Variants in P2RX1 observed in about 807,000 individuals in gnomAD.
The protein encoded by P2RX1 is P2X purinoceptor 1.
Under a neutral mutation model 50.3 loss-of-function variants are expected in P2RX1, and 42 were observed. That is an observed-to-expected ratio of 0.83 (90% CI 0.65 to 1.08). P2RX1 has a LOEUF of 1.08. Among genes scored for constraint, P2RX1 ranks in the 50% least tolerant of loss-of-function variants. P2RX1 has a pLI of 0.00. For synonymous variants in P2RX1, 199 were observed against 202.6 expected, an observed-to-expected ratio of 0.98 and a Z score of 0.15; for missense variants, 449 against 529.0, an observed-to-expected ratio of 0.85 and a Z score of 1.48.
Position 3,897,843 on chromosome 17 carries a change from C to G in P2RX1, c.1171G>C (p.Gly391Arg). 6.2e-7 allele frequency: 1 copy of G among 1,613,548 alleles called. No homozygotes were observed. ...GATGTCCTCATGTTCTCCTGCAGGC[C>G]CAGGGTGGAGCTGGTAGCTGCGAGG... ...RDLAATSSTLGLQENMRTS is the reference protein window; with the variant it reads ...RDLAATSSTLRLQENMRTS Residue 391 changes from glycine to arginine, a missense_variant, in exon 12 of 12, where the codon GGC becomes CGC. By Grantham distance (125) the Gly-to-Arg change is moderately radical. Coordinates refer to ENST00000225538, the MANE Select transcript of P2RX1 (RefSeq NM_002558.4).
chr17:3,904,561 C>A, intron 3 of P2RX1, 162 bp from the exon 4 acceptor site: 1 of 711,632 alleles, frequency 1.4e-6, no homozygotes, highest in South Asian at 1.7e-5. Context: ...TCCCCCCACA[C>A]TGCTCTGCCG....
At chr17:3,901,914 G>A (rs77675717) in intron 7 of P2RX1, among the ~76,000 whole-genome samples, 2 of 151,728 alleles carry the variant, frequency 1.3e-5, no homozygotes, top group African/African-American at 4.8e-5. Flanking sequence ...ATTGCCCCCC[G>A]TCGGTGGGTC....
At chr17:3,908,098 C>T (rs1813217104) in intron 1 of P2RX1, among the ~76,000 whole-genome samples, 1 of 152,218 alleles carries the variant, frequency 6.6e-6, no homozygotes, top group Non-Finnish European at 1.5e-5. Flanking sequence ...CCCACCTCCA[C>T]TGAGCAACAC....
chr17:3,901,266 A>T (rs187072291), intron 7 of P2RX1, among the ~76,000 whole-genome samples: 1 of 152,166 alleles, frequency 6.6e-6, no homozygotes, highest in African/African-American at 2.4e-5. Flanking sequence ...ACGGGGTTTC[A>T]CCGTGTTAGC....
In P2RX1 at chr17:3,898,045, C is replaced by T. The variant is rs2056066143; in HGVS notation, c.1098G>A (p.Lys366=). Residue 366 remains lysine, a synonymous_variant, in exon 11 of 12, where the codon AAG becomes AAA. Transcript: ENST00000225538. ...CCATGTCCTCAGCGTATTTGAACTT[C>T]TTCTGCTTGTAGTAGTGCCTCTTAG... ...ILPKRHYYKQ[K]KFKYAEDMGP... 9.3e-6 allele frequency: 15 copies of T among 1,613,518 alleles called. No individual in the cohort carries two copies. The highest frequency in any genetic ancestry group is 1.0e-5 in the Non-Finnish European group (12 of 1,179,936).
intron 1 of P2RX1, chr17:3,915,515 A>G: frequency 2.2e-6 from 1 of 456,580 alleles, no homozygotes; most frequent in South Asian, 1.5e-5. Context: ...GAAAGGAACT[A>G]TCATCCCTGG....
chr17:3,904,433 C>G, intron 3 of P2RX1, 34 bp from the exon 4 acceptor site: 1 of 1,597,286 alleles, frequency 6.3e-7, no homozygotes, highest in Middle Eastern at 1.7e-4. Flanking sequence ...TCCCAGGCCC[C>G]TTGGGTGGGG....
intron 7 of P2RX1, among the ~76,000 whole-genome samples, chr17:3,900,416 T>A (rs886670391): frequency 2.0e-5 from 3 of 152,118 alleles, no homozygotes; most frequent in Non-Finnish European, 4.4e-5. Flanking sequence ...ATCACACCAC[T>A]GCACTCCAGC....
At chr17:3,913,328 T>C (rs1336405112) in intron 1 of P2RX1, among the ~76,000 whole-genome samples, 1 of 152,120 alleles carries the variant, frequency 6.6e-6, no homozygotes, top group African/African-American at 2.4e-5. Flanking sequence ...GGTTTCACCA[T>C]GTTGGCCAGG....
At chr17:3,904,997 C>A in intron 2 of P2RX1, 68 bp from the exon 3 acceptor site, 1 of 1,262,130 alleles carries the variant, frequency 7.9e-7, no homozygotes, top group Admixed American at 2.0e-5. Context: ...AAGGGCCCCA[C>A]CGCTGCCCCA....
rs760852618 is a variant in P2RX1, at chr17:3,914,364, C to A, written c.137+1725G>T. ...ACAGGCAGGAGGACGGTAGTGAGGT[C>A]CCCGTCACTGGAGGTATAGGTTCCC... is the stretch of plus-strand genomic sequence containing the variant. On this transcript the variant is annotated intron_variant, in intron 1 of 11. Coordinates refer to ENST00000225538, the MANE Select transcript of P2RX1 (RefSeq NM_002558.4). The surrounding 1 kb of genome is among the most constrained non-coding windows in gnomAD (Gnocchi z 4.1). Among the ~76,000 whole-genome samples, 3 of 151,672 alleles carry A rather than the reference C, an allele frequency of 2.0e-5. No homozygotes were observed. The highest frequency in any genetic ancestry group is 4.4e-5 in the Non-Finnish European group (3 of 68,004).
Position 3,904,863 on chromosome 17 carries a change from C to T in P2RX1, c.352G>A (p.Ala118Thr), listed in dbSNP as rs557187031. Reference protein sequence around the residue: ...VTPKQTQGYCAEHPEGGICKE... With the variant: ...VTPKQTQGYCTEHPEGGICKE... ...TGGCGGGCAGAAGTCCTCACCTCTG[C>T]GCAGTAGCCTTGAGTCTGCTTCGGG... The change falls in exon 3 of 12, where the codon GCA (alanine) becomes ACA (threonine). Residue 118 changes from alanine to threonine, a missense_variant. Coordinates refer to ENST00000225538, the MANE Select transcript of P2RX1 (RefSeq NM_002558.4). 5.0e-6 allele frequency: 8 copies of T among 1,593,968 alleles called. No individual in the cohort carries two copies. The highest frequency in any genetic ancestry group is 2.3e-5 in the South Asian group (2 of 87,162).
chr17:3,914,036 C>T lies in P2RX1; in HGVS notation c.137+2053G>A, dbSNP rs899190712. On this transcript the variant is annotated intron_variant, in intron 1 of 11. Transcript: ENST00000225538. This position sits in a 1 kb window ranked among gnomAD's most constrained non-coding sequence, Gnocchi z 4.1. ...AGACGAGGGCGCAAGAGACAGCAGG[C>T]ACCACAGCCTGAGCAGGAGCTGGAA... Among the ~76,000 whole-genome samples, 1 of 152,200 alleles carries T rather than the reference C, an allele frequency of 6.6e-6. No homozygotes were observed. Among genetic ancestry groups the T allele is most frequent in the African/African-American group, 2.4e-5 (1 of 41,448 alleles).
chr17:3,903,520 G>A lies in P2RX1; in HGVS notation c.605+31C>T, dbSNP rs1285901364. ...GCTGCCGGAGCGGCCCCGGCCAGCT[G>A]CCTGCATTTCTGCCCGAATTTCCCA... On this transcript the variant is annotated intron_variant, in intron 6 of 11. Coordinates refer to ENST00000225538, the MANE Select transcript of P2RX1 (RefSeq NM_002558.4). The surrounding 1 kb of genome is among the most constrained non-coding windows in gnomAD (Gnocchi z 4.6). The A allele has an allele frequency of 3.1e-6, 5 of 1,608,378 alleles. No homozygotes were observed. The African/African-American group carries it at 6.7e-5, about 21-fold the overall frequency.
chr17:3,913,658 G>A (rs12947413), intron 1 of P2RX1, among the ~76,000 whole-genome samples: 29,076 of 152,172 alleles, frequency 0.19, 3,358 homozygotes, highest in East Asian at 0.33. Context: ...CTTCGTCTGA[G>A]TTGTGCTCTG....
At chr17:3,899,467 T>A (rs574618988) in intron 8 of P2RX1, among the ~76,000 whole-genome samples, 167 bp downstream of exon 8, 1 of 151,720 alleles carries the variant, frequency 6.6e-6, no homozygotes, top group East Asian at 2.0e-4. Flanking sequence ...GAGACTTCAA[T>A]ATCTTTCTCC....
In P2RX1 at chr17:3,903,866, T is replaced by A; in HGVS notation, c.524+62A>T. ...AAGGGGTAAAGATCCTTTCTAGACC[T>A]AGGCCCCCCTCTGTCTGGCCTGGGA... is the stretch of plus-strand genomic sequence containing the variant. On this transcript the variant is annotated intron_variant, in intron 5 of 11. Transcript: ENST00000225538. This position sits in a 1 kb window ranked among gnomAD's most constrained non-coding sequence, Gnocchi z 4.6. 7.3e-7 allele frequency: 1 copy of A among 1,370,534 alleles called. No individual in the cohort carries two copies. The highest frequency in any genetic ancestry group is 1.0e-6 in the Non-Finnish European group (1 of 958,058). The allele number at this position is 1,370,534 out of a possible 1,614,324, so 84.9% of individuals were successfully genotyped here. A position where few individuals can be genotyped will look rare whatever the true frequency, so the allele number is the denominator to read the frequency against.
Position 3,905,255 on chromosome 17 carries a change from C to T in P2RX1, c.250G>A (p.Val84Ile). 28 of 1,613,752 alleles carry T rather than the reference C, an allele frequency of 1.7e-5. No individual in the cohort carries two copies. The highest frequency in any genetic ancestry group is 2.3e-5 in the Non-Finnish European group (27 of 1,180,016). Residue 84 changes from valine (V) to isoleucine (I), a missense_variant, in exon 2 of 12, where the codon GTC becomes ATC. By Grantham distance (29) the Val-to-Ile change is conservative. Transcript: ENST00000225538. ...AAGACGTAGTCAGCCACATCCCAGACCTGGGGGCCGAGGCCAGGGAGCTGG... is the reference window on the plus strand; with the variant it reads ...AAGACGTAGTCAGCCACATCCCAGATCTGGGGGCCGAGGCCAGGGAGCTGG... ...VTQLPGLGPQVWDVADYVFPA... is the reference protein window; with the variant it reads ...VTQLPGLGPQIWDVADYVFPA...
rs112101385 is a variant in P2RX1, at chr17:3,907,085, A to G, written c.138-1718T>C. Among the ~76,000 whole-genome samples, 895 of 152,326 alleles carry G rather than the reference A, an allele frequency of 5.9e-3. 9 individuals are homozygous for G. The highest frequency in any genetic ancestry group is 0.02 in the African/African-American group (840 of 41,578). On this transcript the variant is annotated intron_variant, in intron 1 of 11. Transcript: ENST00000225538. ...AGAATCCTGACAATGTTGTTTGAGC[A>G]CCTGGATTCAGCCATACCTGAAGCA...
Sources: allele counts gnomAD v4.1 joint callset (sites outside exome capture counted in the v4.1 genomes callset), GRCh38; gene constraint gnomAD v4.1.1; non-coding constraint Gnocchi (gnomAD v3.1); transcripts MANE v1.5; gene names NCBI Gene and HGNC (gene_info 2026-07-23, HGNC 2026-07-21).